Variants in CREB5 observed in about 807,000 individuals in gnomAD.
CREB5 encodes the protein cyclic AMP-responsive element-binding protein 5.
In CREB5, 19 loss-of-function variants were observed where a neutral mutation model predicts 57.1. That is an observed-to-expected ratio of 0.33 (90% CI 0.23 to 0.49). The LOEUF is 0.49. Among genes scored for constraint, CREB5 ranks in the 20% least tolerant of loss-of-function variants. The pLI is 0.99. For missense variants in CREB5, 579 were observed against 671.6 expected (o/e 0.86, Z 1.52); for synonymous variants, 238 against 238.3 (o/e 1.00, Z 0.01).
At chr7:28,657,738 A>AAAAAAAAAAAAT (rs1554281277) in intron 5 of CREB5, among the ~76,000 whole-genome samples, 38 of 139,872 alleles carry the variant, frequency 2.7e-4, no homozygotes, top group South Asian at 4.4e-4. Context: ...AAAAAAAAAA[A>AAAAAAAAAAAAT]GAATAAAATT....
Position 28,648,027 on chromosome 7 carries a change from G to C in CREB5, c.465-70726G>C, listed in dbSNP as rs75688173. On this transcript the variant is annotated intron_variant, in intron 5 of 10. Coordinates refer to ENST00000357727, the MANE Select transcript of CREB5 (RefSeq NM_182898.4). ...TACTGTATTGGACACAGCAGATCTA[G>C]ATGAAATCTTATAAAAATTATAGCA... Among the ~76,000 whole-genome samples the C allele has an allele frequency of 8.4e-3, 1,280 of 152,342 alleles. 20 individuals are homozygous for C. The highest frequency in any genetic ancestry group is 0.03 in the African/African-American group (1,228 of 41,576).
intron 7 of CREB5, among the ~76,000 whole-genome samples, chr7:28,758,205 A>C (rs1373029392): frequency 6.6e-6 from 1 of 152,166 alleles, no homozygotes; most frequent in Non-Finnish European, 1.5e-5. Context: ...CTAACGAGTC[A>C]ATGGCAGGAC....
intron 4 of CREB5, among the ~76,000 whole-genome samples, chr7:28,522,673 C>T (rs1793260595): frequency 1.3e-5 from 2 of 152,174 alleles, no homozygotes; most frequent in Admixed American, 6.5e-5. Context: ...GCTGGGATTA[C>T]AGGTGTGAGG....
At chr7:28,732,684 GT>G (rs1313168459) in intron 7 of CREB5, among the ~76,000 whole-genome samples, 1 of 147,444 alleles carries the variant, frequency 6.8e-6, no homozygotes, top group African/African-American at 2.5e-5. Flanking sequence ...AATAATGAAA[GT>G]TTGCTTTGCA....
At chr7:28,537,365 C>T (rs1239052951) in intron 4 of CREB5, among the ~76,000 whole-genome samples, 1 of 138,386 alleles carries the variant, frequency 7.2e-6, no homozygotes, top group Admixed American at 7.6e-5. Context: ...TTTCCTACAA[C>T]ATGCACTTAA....
intron 7 of CREB5, among the ~76,000 whole-genome samples, chr7:28,764,343 G>T (rs1805835290): frequency 7.5e-6 from 1 of 132,498 alleles, no homozygotes; most frequent in African/African-American, 2.7e-5. Context: ...ATGCAGGAAA[G>T]GCCCTAATTC....
intron 1 of CREB5, among the ~76,000 whole-genome samples, chr7:28,432,621 T>G (rs1788771021): frequency 6.6e-6 from 1 of 152,182 alleles, no homozygotes; most frequent in South Asian, 2.1e-4. Context: ...ATTCAACCAA[T>G]TCTAATCCTA....
At chr7:28,554,994 C>T (rs1394036256) in intron 4 of CREB5, among the ~76,000 whole-genome samples, 4 of 152,096 alleles carry the variant, frequency 2.6e-5, no homozygotes, top group Non-Finnish European at 4.4e-5. Context: ...CATAAGCACC[C>T]CATTCTGGCT....
chr7:28,488,304 C>A, intron 2 of CREB5, 58 bp downstream of exon 2: 1 of 1,509,070 alleles, frequency 6.6e-7, no homozygotes, highest in Non-Finnish European at 9.2e-7. Context: ...GAAAGGGAAG[C>A]AACTCTCACC....
intron 1 of CREB5, among the ~76,000 whole-genome samples, chr7:28,324,726 A>C (rs1030302808): frequency 6.6e-6 from 1 of 152,140 alleles, no homozygotes; most frequent in African/African-American, 2.4e-5. Context: ...CTTTGCTTTG[A>C]CTTTCAGATT....
At chr7:28,653,391 A>G (rs770717786) in intron 5 of CREB5, among the ~76,000 whole-genome samples, 2 of 152,190 alleles carry the variant, frequency 1.3e-5, no homozygotes, top group Non-Finnish European at 2.9e-5. Flanking sequence ...GATTTCCAGC[A>G]TGAAGGCAAG....
intron 1 of CREB5, among the ~76,000 whole-genome samples, chr7:28,314,730 A>G (rs1382466949): frequency 1.3e-5 from 2 of 152,210 alleles, no homozygotes; most frequent in Non-Finnish European, 2.9e-5. Flanking sequence ...ATCTTGCTCC[A>G]GGTCCCCAGT....
intron 7 of CREB5, among the ~76,000 whole-genome samples, chr7:28,727,968 C>T (rs1199554297): frequency 2.6e-5 from 4 of 151,028 alleles, no homozygotes; most frequent in Non-Finnish European, 5.9e-5. Flanking sequence ...TTGTTTGAGG[C>T]AGGATCTCAC....
chr7:28,351,927 G>A (rs189205657), intron 1 of CREB5, among the ~76,000 whole-genome samples: 49 of 152,240 alleles, frequency 3.2e-4, no homozygotes, highest in Admixed American at 5.2e-4. Flanking sequence ...AAATCAAGCA[G>A]TTTAGGAAAT....
chr7:28,316,479 A>T (rs530526504), intron 1 of CREB5, among the ~76,000 whole-genome samples: 1 of 152,160 alleles, frequency 6.6e-6, no homozygotes, highest in East Asian at 1.9e-4. Flanking sequence ...GAGACAAATC[A>T]ATCAGGATAG....
chr7:28,336,149 G>C (rs927217521), intron 1 of CREB5, among the ~76,000 whole-genome samples: 1 of 152,082 alleles, frequency 6.6e-6, no homozygotes, highest in Admixed American at 6.6e-5. Context: ...ACATTGGCCT[G>C]TAGTTTTATT....
chr7:28,466,735 G>C (rs745916472), intron 1 of CREB5, among the ~76,000 whole-genome samples: 53 of 152,208 alleles, frequency 3.5e-4, no homozygotes, highest in Non-Finnish European at 5.3e-4. Context: ...ACATCTCTCC[G>C]GTGTGTTGAC....
chr7:28,396,642 T>C (rs112568133), intron 1 of CREB5, among the ~76,000 whole-genome samples: 5 of 152,318 alleles, frequency 3.3e-5, no homozygotes, highest in African/African-American at 1.2e-4. Flanking sequence ...ACAGGAAATA[T>C]ATTTTTTTCT....
intron 1 of CREB5, among the ~76,000 whole-genome samples, chr7:28,330,924 T>C (rs888914489): frequency 1.3e-5 from 2 of 152,142 alleles, no homozygotes; most frequent in East Asian, 1.9e-4. Flanking sequence ...CTGACACTTA[T>C]CTCATGAAAA....
Sources: allele counts gnomAD v4.1 joint callset (sites outside exome capture counted in the v4.1 genomes callset), GRCh38; gene constraint gnomAD v4.1.1; transcripts MANE v1.5; gene names NCBI Gene and HGNC (gene_info 2026-07-23, HGNC 2026-07-21).